The following LUZP2 variants were observed in gnomAD, a reference collection of about 807,000 sequenced individuals.
The protein encoded by LUZP2 is leucine zipper protein 2.
LUZP2 carries 52 observed loss-of-function variants against 51.6 expected under a neutral mutation model. The ratio of observed to expected loss-of-function variants is 1.01; its 90% CI spans 0.81 to 1.27. The LOEUF is 1.27. Ranked by LOEUF, LUZP2 falls within the 50% of genes most tolerant of loss-of-function variation. The pLI, the probability that LUZP2 is intolerant of heterozygous loss-of-function variation, is 0.00. For synonymous variants in LUZP2, 154 were observed against 137.3 expected (o/e 1.12, Z -0.85); for missense variants, 436 against 395.4 (o/e 1.10, Z -0.87).
chr11:24,630,031 A>G (rs965060524), intron 1 of LUZP2, among the ~76,000 whole-genome samples: 2 of 151,056 alleles, frequency 1.3e-5, no homozygotes, highest in Admixed American at 6.6e-5. Context: ...CCAACTGTTT[A>G]ATGGGATTAC....
At chr11:24,594,138 C>A (rs1430683960) in intron 1 of LUZP2, among the ~76,000 whole-genome samples, 1 of 152,034 alleles carries the variant, frequency 6.6e-6, no homozygotes, top group Admixed American at 6.6e-5. Context: ...AGGATTACTG[C>A]CTAATTTATG....
At chr11:24,589,328 G>T (rs2133838553) in intron 1 of LUZP2, among the ~76,000 whole-genome samples, 1 of 152,202 alleles carries the variant, frequency 6.6e-6, no homozygotes, top group African/African-American at 2.4e-5. Flanking sequence ...CTCACAAAGT[G>T]GCTGTGAGAA....
chr11:24,548,407 T>C (rs1209071736), intron 1 of LUZP2, among the ~76,000 whole-genome samples: 1 of 152,042 alleles, frequency 6.6e-6, no homozygotes, highest in Non-Finnish European at 1.5e-5. Flanking sequence ...TGCTGCAACA[T>C]GGATGGCGCT....
chr11:24,529,210 C>G (rs1454830698), intron 1 of LUZP2, among the ~76,000 whole-genome samples: 1 of 151,070 alleles, frequency 6.6e-6, no homozygotes, highest in African/African-American at 2.4e-5. Flanking sequence ...CTGTTTTGAT[C>G]ATTTTGTCTT....
intron 4 of LUZP2, among the ~76,000 whole-genome samples, chr11:24,741,828 T>C (rs1214856955): frequency 1.4e-5 from 2 of 141,628 alleles, no homozygotes; most frequent in Non-Finnish European, 3.0e-5. Context: ...TATAGATATA[T>C]ATTTATATAT....
chr11:25,026,922 A>C (rs114145458), intron 9 of LUZP2, among the ~76,000 whole-genome samples: 4,621 of 147,738 alleles, frequency 0.031, 211 homozygotes, highest in African/African-American at 0.1. Flanking sequence ...TTTAAGTTTT[A>C]AACCAGTAAA....
At chr11:24,726,438 T>C (rs76651149) in intron 1 of LUZP2, among the ~76,000 whole-genome samples, 7,504 of 151,624 alleles carry the variant, frequency 0.049, 597 homozygotes, top group African/African-American at 0.16. Flanking sequence ...CATAAATACA[T>C]GTACCTACTA....
intron 9 of LUZP2, among the ~76,000 whole-genome samples, chr11:25,032,986 A>G (rs1361716447): frequency 6.6e-6 from 1 of 152,234 alleles, no homozygotes; most frequent in Non-Finnish European, 1.5e-5. Flanking sequence ...TCTATTATAC[A>G]GAATCCCATA....
chr11:25,068,524 G>A (rs1361249756), intron 10 of LUZP2, among the ~76,000 whole-genome samples: 2 of 151,902 alleles, frequency 1.3e-5, no homozygotes, highest in Non-Finnish European at 2.9e-5. Context: ...CTCTGGAAGT[G>A]AGAGAGGGAT....
chr11:24,919,563 T>A (rs1256579006), intron 7 of LUZP2, among the ~76,000 whole-genome samples: 1 of 144,426 alleles, frequency 6.9e-6, no homozygotes, highest in Non-Finnish European at 1.5e-5. Context: ...TATATATTCA[T>A]AATTTTTAAT....
chr11:24,968,238 C>G (rs1855644286), intron 7 of LUZP2, among the ~76,000 whole-genome samples: 1 of 152,010 alleles, frequency 6.6e-6, no homozygotes, highest in Non-Finnish European at 1.5e-5. Context: ...AAAACATTTG[C>G]TGTAAGTGAA....
rs193186473 is a variant in LUZP2, at chr11:25,004,609, G to A, written c.765+21316G>A. Among the ~76,000 whole-genome samples the A allele has an allele frequency of 1.5e-3, 226 of 152,292 alleles. 4 individuals are homozygous for A. The South Asian group carries it at 0.024, about 16-fold the overall frequency. On this transcript the variant is annotated intron_variant, in intron 9 of 11. Transcript: ENST00000336930. The stretch of plus-strand genomic sequence containing the variant: ...CTCGAGTGATTAGGGTGATAGGGGA[G>A]TATATTGTCTTAGGCCTCCCATAGC...
intron 3 of LUZP2, among the ~76,000 whole-genome samples, chr11:24,735,798 C>T (rs1858917709): frequency 1.3e-5 from 2 of 151,944 alleles, no homozygotes; most frequent in Non-Finnish European, 1.5e-5. Context: ...ATTAAAGTTT[C>T]AGTTTAGTAC....
At position 25,080,190 on chromosome 11, in the gene LUZP2, A is replaced by G. The variant is rs984967456; in HGVS notation, c.*1532A>G. ...AGCTTCATAATTTCTACATGCTTTG[A>G]ATTTTGAATTTTGTTATTTTTTGGA... On this transcript the variant is annotated 3_prime_UTR_variant, in exon 12 of 12. Transcript: ENST00000336930. 5.9e-5 allele frequency: 9 copies of G among 152,070 alleles called. No homozygotes were observed. The highest frequency in any genetic ancestry group is 2.2e-4 in the African/African-American group (9 of 41,414). 9.4% of individuals were successfully genotyped at this position (152,070 alleles called of 1,614,324 possible).
intron 1 of LUZP2, among the ~76,000 whole-genome samples, chr11:24,628,638 A>G (rs550422523): frequency 6.6e-6 from 1 of 152,230 alleles, no homozygotes; most frequent in East Asian, 1.9e-4. Flanking sequence ...GGCTCACTGC[A>G]ATCTCCACCT....
Position 25,082,037 on chromosome 11 carries a change from A to G in LUZP2, c.*3379A>G, listed in dbSNP as rs1404782779. The G allele has an allele frequency of 2.0e-5, 3 of 152,392 alleles. No individual in the cohort carries two copies. Among genetic ancestry groups the G allele is most frequent in the Non-Finnish European group, 4.4e-5 (3 of 68,002 alleles). The allele number at this position is 152,392 out of a possible 1,614,324, so 9.4% of individuals were successfully genotyped here. A position where few individuals can be genotyped will look rare whatever the true frequency, so the allele number is the denominator to read the frequency against. On this transcript the variant is annotated 3_prime_UTR_variant, in exon 12 of 12. Coordinates refer to ENST00000336930, the MANE Select transcript of LUZP2 (RefSeq NM_001009909.4). The stretch of plus-strand genomic sequence containing the variant: ...TAAACTGAACCTGTTCCTAAAATGC[A>G]TTAAACTTGAATGCTGTGTCTATCC...
intron 7 of LUZP2, among the ~76,000 whole-genome samples, chr11:24,916,071 C>T (rs1335693185): frequency 1.3e-5 from 2 of 151,682 alleles, no homozygotes; most frequent in African/African-American, 4.8e-5. Flanking sequence ...ACATTTCATC[C>T]TAAAAATAAT....
chr11:24,857,312 TACAC>T (rs34365598), intron 5 of LUZP2, among the ~76,000 whole-genome samples: 78 of 133,188 alleles, frequency 5.9e-4, no homozygotes, highest in East Asian at 1.0e-3. Context: ...TACATATATA[TACAC>T]ACACACACAC....
chr11:25,017,957 A>C (rs1199268718), intron 9 of LUZP2, among the ~76,000 whole-genome samples: 2 of 151,720 alleles, frequency 1.3e-5, no homozygotes, highest in African/African-American at 4.8e-5. Flanking sequence ...AATTTCTTTC[A>C]GAGTTGTTTT....
Sources: gnomAD v4.1 joint callset for allele counts (sites outside exome capture counted in the v4.1 genomes callset) on GRCh38, gnomAD v4.1.1 for gene constraint, MANE v1.5 for transcripts, NCBI Gene and HGNC (gene_info 2026-07-23, HGNC 2026-07-21) for gene names.